Variants in ASCC3 observed in about 807,000 individuals in gnomAD.
ASCC3 encodes the protein ASC-1 complex subunit P200.
Under a neutral mutation model 256.3 loss-of-function variants are expected in ASCC3, and 158 were observed. The ratio of observed to expected loss-of-function variants is 0.62; its 90% CI spans 0.54 to 0.70. ASCC3 has a LOEUF of 0.70. Ranked by LOEUF, ASCC3 falls within the 30% of genes least tolerant of loss-of-function variation. ASCC3 has a pLI of 0.00. For missense variants in ASCC3, 2,259 were observed against 2,626.0 expected (o/e 0.86, Z 3.05); for synonymous variants, 948 against 883.4 (o/e 1.07, Z -1.30).
intron 13 of ASCC3, among the ~76,000 whole-genome samples, chr6:100,684,625 A>G (rs1029299552): frequency 8.6e-6 from 1 of 115,640 alleles, no homozygotes; most frequent in African/African-American, 3.2e-5. Flanking sequence ...ATTGACAACT[A>G]TGCACTTGTT....
chr6:100,659,870 T>TA (rs1776104155), intron 16 of ASCC3, among the ~76,000 whole-genome samples: 1 of 151,742 alleles, frequency 6.6e-6, no homozygotes, highest in Non-Finnish European at 1.5e-5. Flanking sequence ...TCTTCAAAAC[T>TA]ACGTTAATCT....
At chr6:100,828,111 A>AAAGG (rs1771418716) in intron 4 of ASCC3, among the ~76,000 whole-genome samples, 2 of 147,986 alleles carry the variant, frequency 1.4e-5, no homozygotes, top group Non-Finnish European at 3.0e-5. Flanking sequence ...AAAAAAAACG[A>AAAGG]AAAAAAGCTT....
chr6:100,560,748 AACACACACACACACACACACAC>A (rs747539213), intron 36 of ASCC3, among the ~76,000 whole-genome samples: 5 of 133,878 alleles, frequency 3.7e-5, no homozygotes, highest in Admixed American at 7.6e-5. Flanking sequence ...ATCTTAGAGG[AACACACACACACACACACACAC>A]ACACACACAC....
At chr6:100,880,055 T>C (rs905738171) in intron 1 of ASCC3, among the ~76,000 whole-genome samples, 5 of 152,146 alleles carry the variant, frequency 3.3e-5, no homozygotes, top group African/African-American at 9.7e-5. Context: ...AAGACTTGAA[T>C]GAATGAATGA....
intron 8 of ASCC3, among the ~76,000 whole-genome samples, chr6:100,772,046 A>AT (rs925827702): frequency 8.6e-5 from 13 of 151,404 alleles, no homozygotes; most frequent in South Asian, 2.1e-4. Flanking sequence ...GGCATGGCTA[A>AT]TTTTTTTTGT....
intron 30 of ASCC3, among the ~76,000 whole-genome samples, chr6:100,619,389 CT>C (rs1248487617): frequency 6.6e-6 from 1 of 152,026 alleles, no homozygotes; most frequent in Non-Finnish European, 1.5e-5. Flanking sequence ...AGAAATTGGG[CT>C]ATTTTTTTAT....
At chr6:100,573,740 A>T (rs1770715503) in intron 36 of ASCC3, among the ~76,000 whole-genome samples, 1 of 152,140 alleles carries the variant, frequency 6.6e-6, no homozygotes, top group Admixed American at 6.6e-5. Flanking sequence ...AAAATGTTCA[A>T]AACCAGATTA....
At chr6:100,528,951 A>G (rs1443235901) in intron 37 of ASCC3, among the ~76,000 whole-genome samples, 1 of 152,230 alleles carries the variant, frequency 6.6e-6, no homozygotes, top group East Asian at 1.9e-4. Context: ...GTAGTTCCAT[A>G]TCTTGAGGCA....
At chr6:100,790,876 T>A (rs1025766826) in intron 8 of ASCC3, among the ~76,000 whole-genome samples, 1 of 151,912 alleles carries the variant, frequency 6.6e-6, no homozygotes, top group East Asian at 1.9e-4. Flanking sequence ...TTCCTAGTTA[T>A]CTGTTTGCAA....
At chr6:100,653,020 T>C (rs918858587) in intron 17 of ASCC3, 131 bp from the exon 18 acceptor site, 2 of 785,350 alleles carry the variant, frequency 2.5e-6, no homozygotes, top group South Asian at 1.8e-5. Context: ...ATTTTTAAAG[T>C]ACATTTTTCT....
chr6:100,650,080 G>T (rs1255614791), intron 20 of ASCC3, among the ~76,000 whole-genome samples: 2 of 151,346 alleles, frequency 1.3e-5, no homozygotes, highest in Non-Finnish European at 3.0e-5. Context: ...CTGAACGTAT[G>T]GTAGGAAATA....
intron 25 of ASCC3, 21 bp downstream of exon 25, chr6:100,638,576 TGTAA>T (rs764601043): frequency 6.5e-7 from 1 of 1,542,902 alleles, no homozygotes. Flanking sequence ...TCTAATTAAA[TGTAA>T]GTATGATTCT....
At chr6:100,526,058 T>C (rs1236240669) in intron 37 of ASCC3, among the ~76,000 whole-genome samples, 1 of 152,118 alleles carries the variant, frequency 6.6e-6, no homozygotes. Flanking sequence ...TTTATAAGAA[T>C]CTTTTTCAAT....
chr6:100,604,594 T>C (rs1224863958), intron 33 of ASCC3, among the ~76,000 whole-genome samples: 3 of 151,844 alleles, frequency 2.0e-5, no homozygotes, highest in Admixed American at 6.6e-5. Context: ...TGAACCACTA[T>C]GCCTGGCTAA....
At chr6:100,678,543 T>C (rs1222153291) in intron 14 of ASCC3, among the ~76,000 whole-genome samples, 1 of 151,882 alleles carries the variant, frequency 6.6e-6, no homozygotes, top group East Asian at 1.9e-4. Context: ...TATAGTACAG[T>C]CACAATTAAA....
intron 30 of ASCC3, among the ~76,000 whole-genome samples, chr6:100,615,148 T>A (rs1335461091): frequency 6.6e-6 from 1 of 152,104 alleles, no homozygotes; most frequent in Non-Finnish European, 1.5e-5. Flanking sequence ...CTCGAGTAGC[T>A]GGGACTACAG....
At chr6:100,674,472 A>C (rs551559993) in intron 14 of ASCC3, among the ~76,000 whole-genome samples, 1 of 151,792 alleles carries the variant, frequency 6.6e-6, no homozygotes, top group Non-Finnish European at 1.5e-5. Flanking sequence ...TTACAATTCA[A>C]TATTATTTTT....
At chr6:100,779,362 G>A (rs994914304) in intron 8 of ASCC3, among the ~76,000 whole-genome samples, 2 of 152,076 alleles carry the variant, frequency 1.3e-5, no homozygotes, top group Middle Eastern at 6.8e-3. Context: ...CAAGTTGCTG[G>A]GATTCCCCTC....
At chr6:100,797,195 A>G (rs1186219197) in intron 8 of ASCC3, among the ~76,000 whole-genome samples, 1 of 152,182 alleles carries the variant, frequency 6.6e-6, no homozygotes, top group Admixed American at 6.5e-5. Flanking sequence ...CATGCCTGTA[A>G]TCTCAGCACT....
Sources: gnomAD v4.1 joint callset for allele counts (sites outside exome capture counted in the v4.1 genomes callset) on GRCh38, gnomAD v4.1.1 for gene constraint, MANE v1.5 for transcripts, NCBI Gene and HGNC (gene_info 2026-07-23, HGNC 2026-07-21) for gene names.